Variants in PDZRN3 observed in about 807,000 individuals in gnomAD.
The protein encoded by PDZRN3 is E3 ubiquitin-protein ligase PDZRN3.
In PDZRN3, 38 loss-of-function variants were observed where a neutral mutation model predicts 85.7. The ratio of observed to expected loss-of-function variants is 0.44; its 90% CI spans 0.34 to 0.58. The LOEUF (loss-of-function observed/expected upper bound fraction) is 0.58, where lower values mean the gene tolerates loss of function less well. Ranked by LOEUF, PDZRN3 falls within the 20% of genes least tolerant of loss-of-function variation. The pLI is 0.01. For missense variants in PDZRN3, 1,629 were observed against 1,506.4 expected (o/e 1.08, Z -1.35); for synonymous variants, 759 against 638.0 (o/e 1.19, Z -2.86).
chr3:73,389,789 G>A (rs768563720), intron 7 of PDZRN3, 27 bp downstream of exon 7: 11 of 1,549,662 alleles, frequency 7.1e-6, no homozygotes, highest in South Asian at 1.1e-5. Flanking sequence ...GGCCCATCAT[G>A]AGGCCATTGT....
chr3:73,586,508 C>T (rs573828125), intron 3 of PDZRN3, among the ~76,000 whole-genome samples: 5 of 152,334 alleles, frequency 3.3e-5, no homozygotes, highest in East Asian at 3.9e-4. Context: ...TGAGAATATG[C>T]GGTGTGCAGA....
intron 3 of PDZRN3, among the ~76,000 whole-genome samples, chr3:73,523,160 A>C (rs1391534316): frequency 1.3e-5 from 2 of 152,102 alleles, no homozygotes; most frequent in Non-Finnish European, 2.9e-5. Context: ...GTAGCTGCTC[A>C]GGACTACAGG....
chr3:73,532,463 G>A (rs932135482), intron 3 of PDZRN3, among the ~76,000 whole-genome samples: 1 of 152,022 alleles, frequency 6.6e-6, no homozygotes, highest in African/African-American at 2.4e-5. Flanking sequence ...ACAAATAATG[G>A]GCACCTATCG....
intron 1 of PDZRN3, among the ~76,000 whole-genome samples, chr3:73,614,562 C>CT (rs1410866152): frequency 6.6e-6 from 1 of 152,168 alleles, no homozygotes; most frequent in Non-Finnish European, 1.5e-5. Context: ...ACTGACTGAC[C>CT]GCTAGTCTGT....
chr3:73,474,440 G>C (rs1163860268), intron 3 of PDZRN3: 1 of 1,247,200 alleles, frequency 8.0e-7, no homozygotes, highest in Admixed American at 2.4e-5. Context: ...AAAAGGTGGA[G>C]CAGATTAAAC....
At chr3:73,523,006 TTTTTTTTG>T (rs1427849513) in intron 3 of PDZRN3, among the ~76,000 whole-genome samples, 10 of 150,898 alleles carry the variant, frequency 6.6e-5, no homozygotes, top group African/African-American at 2.0e-4. Context: ...AAAGGAAGAG[TTTTTTTTG>T]TTTGTTTGTT....
chr3:73,546,572 C>T (rs1256561597), intron 3 of PDZRN3, among the ~76,000 whole-genome samples: 1 of 152,192 alleles, frequency 6.6e-6, no homozygotes, highest in Non-Finnish European at 1.5e-5. Context: ...GCTTCCCCTG[C>T]CATGGGATTT....
intron 3 of PDZRN3, chr3:73,433,774 G>A: frequency 6.5e-7 from 1 of 1,530,822 alleles, no homozygotes; most frequent in South Asian, 1.2e-5. Context: ...CTCCCTTACA[G>A]TGCAGGCATT....
chr3:73,453,182 C>A (rs1465293395), intron 3 of PDZRN3, among the ~76,000 whole-genome samples: 5 of 151,910 alleles, frequency 3.3e-5, no homozygotes, highest in Admixed American at 3.3e-4. Context: ...CCAAGGCAGG[C>A]AGATCATGAG....
chr3:73,387,877 G>A lies in PDZRN3; in HGVS notation c.1518+91C>T, dbSNP rs983111142. On this transcript the variant is annotated intron_variant, in intron 8 of 9. Transcript: ENST00000263666. ...CAGGGAACAAAGCACCTTCAAGTTC[G>A]CAGCCAATACTCAGGTGCTCTTTTG... The A allele has an allele frequency of 4.9e-5, 31 of 634,402 alleles. 1 individual carries two copies. The highest frequency in any genetic ancestry group is 2.6e-4 in the Middle Eastern group (1 of 3,850). The allele number at this position is 634,402 out of a possible 1,614,324, so 39.3% of individuals were successfully genotyped here.
intron 3 of PDZRN3, among the ~76,000 whole-genome samples, chr3:73,503,181 T>C (rs9880822): frequency 2.1e-3 from 314 of 152,348 alleles, no homozygotes; most frequent in African/African-American, 7.4e-3. Context: ...TAAAAGAAAT[T>C]AAACTAGTTT....
chr3:73,605,272 T>G (rs1483033218), intron 2 of PDZRN3, among the ~76,000 whole-genome samples: 1 of 152,016 alleles, frequency 6.6e-6, no homozygotes, highest in South Asian at 2.1e-4. Context: ...TTTGTTTGGC[T>G]CCTCTCCTAA....
At chr3:73,464,019 A>C (rs540547964) in intron 3 of PDZRN3, among the ~76,000 whole-genome samples, 26 of 152,230 alleles carry the variant, frequency 1.7e-4, no homozygotes, top group Non-Finnish European at 3.5e-4. Flanking sequence ...AGAGTCTTAC[A>C]CCGTCTCCCG....
rs753333948 is a variant in PDZRN3, at chr3:73,383,520, T to G, written c.3046A>C (p.Asn1016His). ...TTTTTGTGGCTCAGTTCGAGAATGT[T>G]CATCTCCTTCCTGTCATCGGCTGCT... is the stretch of plus-strand genomic sequence containing the variant. ...QQAADDRKEM[N>H]ILELSHKKMM... Residue 1016 changes from asparagine to histidine, a missense_variant, in exon 10 of 10, where the codon AAC becomes CAC. Transcript: ENST00000263666. The G allele has an allele frequency of 2.5e-6, 4 of 1,614,208 alleles. No individual in the cohort carries two copies. The highest frequency in any genetic ancestry group is 3.3e-5 in the Admixed American group (2 of 60,032).
At chr3:73,424,166 G>A (rs777777030) in intron 3 of PDZRN3, among the ~76,000 whole-genome samples, 5 of 152,036 alleles carry the variant, frequency 3.3e-5, no homozygotes, top group Non-Finnish European at 7.4e-5. Flanking sequence ...GATTCAACAA[G>A]CACAAACCAA....
chr3:73,587,809 T>C (rs1052603510), intron 3 of PDZRN3, among the ~76,000 whole-genome samples: 4 of 152,164 alleles, frequency 2.6e-5, no homozygotes, highest in African/African-American at 9.7e-5. Context: ...AAAACGACCT[T>C]GAATGACATG....
At chr3:73,526,056 C>T (rs1028943664) in intron 3 of PDZRN3, among the ~76,000 whole-genome samples, 6 of 152,144 alleles carry the variant, frequency 3.9e-5, no homozygotes, top group African/African-American at 9.7e-5. Flanking sequence ...GCACGGACTA[C>T]GTGATCTCGG....
At chr3:73,500,139 T>C (rs967748665) in intron 3 of PDZRN3, among the ~76,000 whole-genome samples, 1 of 152,152 alleles carries the variant, frequency 6.6e-6, no homozygotes, top group Non-Finnish European at 1.5e-5. Flanking sequence ...AACCGCAGCC[T>C]TGATCTCATG....
intron 3 of PDZRN3, among the ~76,000 whole-genome samples, chr3:73,507,677 G>T (rs561509585): frequency 3.9e-5 from 6 of 152,314 alleles, no homozygotes; most frequent in African/African-American, 1.4e-4. Flanking sequence ...ATCACTACTG[G>T]CAGCTGAACA....
Sources: allele counts gnomAD v4.1 joint callset (sites outside exome capture counted in the v4.1 genomes callset), GRCh38; gene constraint gnomAD v4.1.1; transcripts MANE v1.5; gene names NCBI Gene and HGNC (gene_info 2026-07-23, HGNC 2026-07-21).